The following PTPRK variants were observed in gnomAD, a reference collection of about 807,000 sequenced individuals.
PTPRK encodes the protein receptor-type tyrosine-protein phosphatase kappa.
PTPRK carries 75 observed loss-of-function variants against 178.0 expected under a neutral mutation model. That is an observed-to-expected ratio of 0.42 (90% CI 0.35 to 0.51). The LOEUF (loss-of-function observed/expected upper bound fraction) is 0.51, where lower values mean the gene tolerates loss of function less well. Ranked by LOEUF, PTPRK falls within the 20% of genes least tolerant of loss-of-function variation. The probability of loss-of-function intolerance (pLI) is 0.02; values close to 1 mark genes in which losing one functional copy is unlikely to be tolerated. For missense variants in PTPRK, 1,441 were observed against 1,797.8 expected (o/e 0.80, Z 3.59); for synonymous variants, 637 against 620.6 (o/e 1.03, Z -0.39).
intron 7 of PTPRK, among the ~76,000 whole-genome samples, chr6:128,131,434 T>G (rs1794225042): frequency 6.6e-6 from 1 of 152,108 alleles, no homozygotes; most frequent in Non-Finnish European, 1.5e-5. Flanking sequence ...CTGCATCTAC[T>G]TGGGATGGTA....
chr6:128,395,935 A>C (rs1209306773), intron 2 of PTPRK, among the ~76,000 whole-genome samples: 1 of 152,144 alleles, frequency 6.6e-6, no homozygotes, highest in Non-Finnish European at 1.5e-5. Flanking sequence ...CCAACACAAA[A>C]TTTTTCAAGG....
At chr6:128,407,817 T>C (rs1287348692) in intron 1 of PTPRK, among the ~76,000 whole-genome samples, 1 of 152,082 alleles carries the variant, frequency 6.6e-6, no homozygotes, top group Admixed American at 6.6e-5. Flanking sequence ...TGAACACAGT[T>C]CTTCAGAATA....
intron 1 of PTPRK, 55 bp downstream of exon 1, chr6:128,520,204 C>A: frequency 6.9e-7 from 1 of 1,456,822 alleles, no homozygotes; most frequent in African/African-American, 1.4e-5. Flanking sequence ...CCTGGCTCAC[C>A]CCTCGTGAGC....
intron 25 of PTPRK, among the ~76,000 whole-genome samples, chr6:127,979,865 T>C (rs115441939): frequency 0.014 from 2,176 of 152,318 alleles, 69 homozygotes; most frequent in African/African-American, 0.05. Flanking sequence ...TAAACCATGA[T>C]AGCTTTCTTG....
At chr6:128,411,564 G>A (rs958204732) in intron 1 of PTPRK, among the ~76,000 whole-genome samples, 6 of 152,076 alleles carry the variant, frequency 3.9e-5, no homozygotes, top group South Asian at 2.1e-4. Flanking sequence ...ATTACAATAC[G>A]TGCCATTTGG....
intron 7 of PTPRK, among the ~76,000 whole-genome samples, chr6:128,102,081 A>G (rs1400804310): frequency 6.6e-6 from 1 of 152,198 alleles, no homozygotes; most frequent in East Asian, 1.9e-4. Context: ...GTTTATGTAA[A>G]CTGAGTCTTG....
chr6:128,297,583 G>A (rs1005774961), intron 3 of PTPRK, among the ~76,000 whole-genome samples: 36 of 152,220 alleles, frequency 2.4e-4, no homozygotes, highest in Admixed American at 1.0e-3. Flanking sequence ...ACTTAAAATC[G>A]CTCAACTACA....
chr6:128,235,465 T>C (rs1017719837), intron 5 of PTPRK: 1 of 331,998 alleles, frequency 3.0e-6, no homozygotes, highest in Non-Finnish European at 6.4e-6. Flanking sequence ...TTCCCATAAG[T>C]AGAGCTTTAT....
intron 3 of PTPRK, among the ~76,000 whole-genome samples, chr6:128,250,579 A>C (rs1249233469): frequency 6.6e-6 from 1 of 152,176 alleles, no homozygotes; most frequent in Non-Finnish European, 1.5e-5. Context: ...GAACTCACAA[A>C]ATTGTGTTGA....
intron 3 of PTPRK, among the ~76,000 whole-genome samples, chr6:128,282,278 A>C (rs1821797147): frequency 6.6e-6 from 1 of 152,222 alleles, no homozygotes. Flanking sequence ...ATTTCCACAA[A>C]TATTATCAGT....
Position 128,479,735 on chromosome 6 carries a change from G to A in PTPRK, c.100+40524C>T, listed in dbSNP as rs139146188. Among the ~76,000 whole-genome samples the A allele has an allele frequency of 4.4e-3, 675 of 152,100 alleles. 6 individuals carry two copies. The highest frequency in any genetic ancestry group is 0.015 in the African/African-American group (639 of 41,502). On this transcript the variant is annotated intron_variant, in intron 1 of 29. Coordinates refer to ENST00000368226, the MANE Select transcript of PTPRK (RefSeq NM_002844.4). ...AAAGCAGAATTAAAAGGAGAAAAAA[G>A]CTTTTCTTTTCTCACAGCAAACAAA... is the stretch of plus-strand genomic sequence containing the variant.
At position 128,196,910 on chromosome 6, in the gene PTPRK, A is replaced by G. The variant is rs140912991; in HGVS notation, c.869-12185T>C. 3.6e-3 allele frequency among the ~76,000 whole-genome samples: 545 copies of G among 152,316 alleles called. 5 individuals carry two copies. The highest frequency in any genetic ancestry group is 0.012 in the African/African-American group (503 of 41,580). Reference sequence around the variant, plus strand: ...GCTGGAGAAAAGAACCATAAGACATAAAATGGCACTAATATTTTCATAGAT... The same window carrying G: ...GCTGGAGAAAAGAACCATAAGACATGAAATGGCACTAATATTTTCATAGAT... On this transcript the variant is annotated intron_variant, in intron 6 of 29. Coordinates refer to ENST00000368226, the MANE Select transcript of PTPRK (RefSeq NM_002844.4).
At chr6:128,485,772 G>A (rs1852741268) in intron 1 of PTPRK, among the ~76,000 whole-genome samples, 1 of 152,112 alleles carries the variant, frequency 6.6e-6, no homozygotes, top group Non-Finnish European at 1.5e-5. Flanking sequence ...TAAACAGAAT[G>A]GAGCTTCTGC....
At chr6:128,152,617 A>C (rs1218649971) in intron 7 of PTPRK, among the ~76,000 whole-genome samples, 1 of 151,856 alleles carries the variant, frequency 6.6e-6, no homozygotes, top group Non-Finnish European at 1.5e-5. Context: ...TAATGCTAGA[A>C]ATCAAAGGGT....
chr6:127,971,644 G>A (rs1453684341), intron 29 of PTPRK, among the ~76,000 whole-genome samples: 2 of 152,000 alleles, frequency 1.3e-5, no homozygotes, highest in African/African-American at 4.8e-5. Context: ...GGGGTGTTCA[G>A]GATTCACGGG....
chr6:128,054,222 TA>T (rs1187451036), intron 13 of PTPRK, among the ~76,000 whole-genome samples: 1 of 152,214 alleles, frequency 6.6e-6, no homozygotes, highest in Non-Finnish European at 1.5e-5. Flanking sequence ...TTGTTCTACC[TA>T]ATTACTTCTA....
intron 7 of PTPRK, among the ~76,000 whole-genome samples, chr6:128,179,168 A>G (rs1039181532): frequency 2.0e-5 from 3 of 151,920 alleles, no homozygotes; most frequent in African/African-American, 7.2e-5. Flanking sequence ...TTCACTTTGC[A>G]TTTATTCTGT....
At chr6:128,248,822 G>T (rs192145018) in intron 3 of PTPRK, among the ~76,000 whole-genome samples, 1 of 152,208 alleles carries the variant, frequency 6.6e-6, no homozygotes, top group East Asian at 1.9e-4. Context: ...TCAAGGAAAG[G>T]TTCAACTTTC....
chr6:128,425,445 C>A (rs1844017984), intron 1 of PTPRK, among the ~76,000 whole-genome samples: 1 of 152,098 alleles, frequency 6.6e-6, no homozygotes, highest in Admixed American at 6.5e-5. Flanking sequence ...GCTAATGTAT[C>A]ATTCTTATGC....
Sources: gnomAD v4.1 joint callset for allele counts (sites outside exome capture counted in the v4.1 genomes callset) on GRCh38, gnomAD v4.1.1 for gene constraint, MANE v1.5 for transcripts, NCBI Gene and HGNC (gene_info 2026-07-23, HGNC 2026-07-21) for gene names.